Variants in LSM2 observed in about 807,000 individuals in gnomAD.
LSM2 encodes U6 snRNA-associated Sm-like protein LSm2.
Under a neutral mutation model 17.0 loss-of-function variants are expected in LSM2, and 12 were observed. The ratio of observed to expected loss-of-function variants is 0.70; its 90% CI spans 0.45 to 1.14. LSM2 has a LOEUF of 1.14. Among genes scored for constraint, LSM2 ranks in the 50% most tolerant of loss-of-function variants. The probability of loss-of-function intolerance (pLI) is 0.00; values close to 1 mark genes in which losing one functional copy is unlikely to be tolerated. For missense variants in LSM2, 62 were observed against 111.8 expected (o/e 0.55, Z 2.01); for synonymous variants, 42 against 44.5 (o/e 0.94, Z 0.22).
At chr6:31,802,211 C>A (rs1814752746) in intron 2 of LSM2, among the ~76,000 whole-genome samples, 1 of 151,798 alleles carries the variant, frequency 6.6e-6, no homozygotes, top group South Asian at 2.1e-4. Context: ...ACCCAGGCAG[C>A]AGAGGTTGCA....
intron 1 of LSM2, chr6:31,806,363 C>T (rs778752578): frequency 1.8e-4 from 107 of 607,574 alleles, no homozygotes; most frequent in Non-Finnish European, 3.8e-5. Flanking sequence ...CCCAGAGAGA[C>T]TCTGCCCTGC....
At chr6:31,802,440 C>T (rs981985393) in intron 2 of LSM2, among the ~76,000 whole-genome samples, 5 of 150,908 alleles carry the variant, frequency 3.3e-5, no homozygotes, top group Non-Finnish European at 7.4e-5. Flanking sequence ...ACTAAAAATA[C>T]AAAAATTAGC....
At chr6:31,798,375 G>A (rs1581673360) in intron 3 of LSM2, 102 bp downstream of exon 3, 3 of 1,431,918 alleles carry the variant, frequency 2.1e-6, no homozygotes, top group African/African-American at 1.4e-5. Context: ...CCTGGCCGAC[G>A]AACACCATTA....
At chr6:31,798,415 A>C in intron 3 of LSM2, 62 bp downstream of exon 3, 1 of 1,597,154 alleles carries the variant, frequency 6.3e-7, no homozygotes, top group South Asian at 1.1e-5. Flanking sequence ...GTAAGAACCC[A>C]ACCCTTAAGT....
In LSM2 at chr6:31,797,905, G is replaced by A. The variant is rs1188205013; in HGVS notation, c.163-23C>T. On this transcript the variant is annotated intron_variant, in intron 4 of 4. Coordinates refer to ENST00000375661, the MANE Select transcript of LSM2 (RefSeq NM_021177.5). ...TAACTAGACAAAGATGGACAAATAT[G>A]AAAACACCCTTAAAAATGTCCTCTA... 1.9e-6 allele frequency: 3 copies of A among 1,612,904 alleles called. No individual in the cohort carries two copies. In the South Asian group the frequency reaches 3.3e-5, roughly 18 times the overall value.
At position 31,797,774 on chromosome 6, in the gene LSM2, G is replaced by A; in HGVS notation, c.271C>T (p.Leu91=). Residue 91 remains leucine, a synonymous_variant, in exon 5 of 5, where the codon CTG becomes TTG. Transcript: ENST00000375661. ...LLQDAARKEA[L]QQKQ ...AGGAGCCATCACTGTTTCTGCTGCA[G>A]GGCTTCCTTCCTTGCCGCATCCTGT... 6.2e-7 allele frequency: 1 copy of A among 1,612,962 alleles called. No homozygotes were observed. The highest frequency in any genetic ancestry group is 8.5e-7 in the Non-Finnish European group (1 of 1,180,022).
At chr6:31,798,081 ATTATT>A in intron 3 of LSM2, 32 bp from the exon 4 acceptor site, 5 of 1,446,800 alleles carry the variant, frequency 3.5e-6, no homozygotes, top group East Asian at 2.4e-5. Flanking sequence ...CATTATTATT[ATTATT>A]TTTTTTTTTT....
chr6:31,803,898 A>G (rs1437723055), intron 2 of LSM2, among the ~76,000 whole-genome samples: 1 of 152,056 alleles, frequency 6.6e-6, no homozygotes, highest in African/African-American at 2.4e-5. Flanking sequence ...CATATTATTT[A>G]AAGGACTGTA....
Position 31,797,971 on chromosome 6 carries a change from T to C in LSM2, c.162+19A>G. 1 of 1,608,636 alleles carries C rather than the reference T, an allele frequency of 6.2e-7. No homozygotes were observed. The highest frequency in any genetic ancestry group is 8.5e-7 in the Non-Finnish European group (1 of 1,177,028). ...CCTGCTTTAGAGGTGTTTCCTCTTC[T>C]CCACAGACCCCAACTCACCATGTGA... On this transcript the variant is annotated intron_variant, in intron 4 of 4. Transcript: ENST00000375661.
At chr6:31,800,954 G>A (rs1814661834) in intron 2 of LSM2, among the ~76,000 whole-genome samples, 1 of 151,310 alleles carries the variant, frequency 6.6e-6, no homozygotes, top group African/African-American at 2.4e-5. Context: ...TACTCAGGAG[G>A]TGAGGCACGA....
In LSM2 at chr6:31,798,469, T is replaced by C. The variant is rs1814516135; in HGVS notation, c.102+8A>G. Reference sequence around the variant, plus strand: ...GGAACCAATTCTGGGGCCCGTGCTATATCTCACCTGATCCACAGAATGGAG... The same window carrying C: ...GGAACCAATTCTGGGGCCCGTGCTACATCTCACCTGATCCACAGAATGGAG... On this transcript the variant is annotated splice_region_variant and intron_variant, in intron 3 of 4. Coordinates refer to ENST00000375661, the MANE Select transcript of LSM2 (RefSeq NM_021177.5). The C allele has an allele frequency of 6.2e-7, 1 of 1,612,844 alleles. No individual in the cohort carries two copies. The highest frequency in any genetic ancestry group is 1.1e-5 in the South Asian group (1 of 91,076).
At chr6:31,798,733 CTTTTTTTTTT>C (rs9281580) in intron 2 of LSM2, among the ~76,000 whole-genome samples, 1 of 89,852 alleles carries the variant, frequency 1.1e-5, no homozygotes, top group South Asian at 4.1e-4. Context: ...CCAATCCATT[CTTTTTTTTTT>C]TTTTTTTTTT....
intron 2 of LSM2, among the ~76,000 whole-genome samples, chr6:31,800,218 C>T (rs978633930): frequency 6.6e-6 from 1 of 151,976 alleles, no homozygotes. Context: ...CGCCTGTAAT[C>T]CCAGCTACTC....
chr6:31,797,835 C>G lies in LSM2; in HGVS notation c.210G>C (p.Val70=). The G allele has an allele frequency of 6.2e-7, 1 of 1,612,970 alleles. No individual in the cohort carries two copies. The highest frequency in any genetic ancestry group is 8.5e-7 in the Non-Finnish European group (1 of 1,180,030). ...CFIRGSVVRY[V]QLPADEVDTQ... is the part of the protein sequence containing the mutation. ...TGTCGACCTCATCTGCTGGCAGCTG[C>G]ACGTATCGGACCACTGAGCCCCGAA... The change falls in exon 5 of 5, where the codon GTG becomes GTC. Residue 70 remains valine, a synonymous_variant. Coordinates refer to ENST00000375661, the MANE Select transcript of LSM2 (RefSeq NM_021177.5).
chr6:31,802,589 A>G (rs537608259), intron 2 of LSM2, among the ~76,000 whole-genome samples: 87 of 151,504 alleles, frequency 5.7e-4, no homozygotes, highest in African/African-American at 2.0e-3. Flanking sequence ...GACTCGTCTC[A>G]ATAAAAAAAA....
At chr6:31,799,546 C>T (rs545223289) in intron 2 of LSM2, among the ~76,000 whole-genome samples, 1 of 151,840 alleles carries the variant, frequency 6.6e-6, no homozygotes, top group African/African-American at 2.4e-5. Flanking sequence ...TTAGTAGAGA[C>T]GGGGTTTCAC....
At chr6:31,803,879 C>T (rs1386191300) in intron 2 of LSM2, among the ~76,000 whole-genome samples, 1 of 151,986 alleles carries the variant, frequency 6.6e-6, no homozygotes, top group East Asian at 1.9e-4. Context: ...CGCATCTGGC[C>T]TAAATGTACA....
chr6:31,801,075 G>A (rs950809315), intron 2 of LSM2, among the ~76,000 whole-genome samples: 2 of 150,300 alleles, frequency 1.3e-5, no homozygotes, highest in African/African-American at 4.9e-5. Context: ...GGAGGCTGAG[G>A]CACGAGAATC....
chr6:31,806,125 GA>G lies in LSM2; in HGVS notation c.20del (p.Phe7SerfsTer13), dbSNP rs866197303. 6.2e-7 allele frequency: 1 copy of G among 1,612,678 alleles called. No homozygotes were observed. Among genetic ancestry groups the G allele is most frequent in the African/African-American group, 1.3e-5 (1 of 74,900 alleles). ...CCACATCCTTGCCCACAAGGGACTT[GA>G]AAAAAGAATAGAAGAGCTATTGGGA... The part of the protein sequence containing the change: MLFYSF[F>X]KSLVGKDVVV... On this transcript the variant is annotated frameshift_variant, in exon 2 of 5. Transcript: ENST00000375661. LOFTEE classifies it high-confidence loss of function.
Sources: gnomAD v4.1 joint callset for allele counts (sites outside exome capture counted in the v4.1 genomes callset) on GRCh38, gnomAD v4.1.1 for gene constraint, MANE v1.5 for transcripts, NCBI Gene and HGNC (gene_info 2026-07-23, HGNC 2026-07-21) for gene names.